Variants in EIF4G3 observed in about 807,000 individuals in gnomAD.
EIF4G3 encodes eIF-4-gamma 3.
A neutral mutation model predicts 186.4 loss-of-function variants in EIF4G3; 34 were observed. The ratio of observed to expected loss-of-function variants is 0.18; its 90% confidence interval spans 0.14 to 0.24. The LOEUF (loss-of-function observed/expected upper bound fraction) is 0.24. Ranked by LOEUF, EIF4G3 falls within the 10% of genes least tolerant of loss-of-function variation. EIF4G3 has a pLI of 1.00. For missense variants in EIF4G3, 1,536 were observed against 1,948.5 expected (o/e 0.79, Z 3.99); for synonymous variants, 673 against 679.5 (o/e 0.99, Z 0.15).
rs774402042 is a variant in EIF4G3, at chr1:20,895,416, T to A, written c.2085A>T (p.Ile695=). 2 of 1,613,962 alleles carry A rather than the reference T, an allele frequency of 1.2e-6. No homozygotes were observed. The highest frequency in any genetic ancestry group is 1.1e-5 in the South Asian group (1 of 91,074). ...LLDFQFMPAC[I]QKPEGLPPIS... Reference sequence around the variant, plus strand: ...TAGGAGGCAGGCCCTCTGGTTTTTGTATACAGGCAGGCATGAACTGGAAGT... The same window carrying A: ...TAGGAGGCAGGCCCTCTGGTTTTTGAATACAGGCAGGCATGAACTGGAAGT... Residue 695 remains isoleucine (I), a synonymous_variant, in exon 17 of 37, where the codon ATA becomes ATT. Coordinates refer to ENST00000602326, the MANE Select transcript of EIF4G3 (RefSeq NM_001391906.1).
chr1:20,880,282 T>C (rs6677045), intron 19 of EIF4G3, among the ~76,000 whole-genome samples: 6 of 152,304 alleles, frequency 3.9e-5, no homozygotes, highest in African/African-American at 1.2e-4. Context: ...ATTGTCTACA[T>C]AGACAATCAT....
At chr1:21,047,232 T>C (rs989195956) in intron 4 of EIF4G3, among the ~76,000 whole-genome samples, 1 of 152,208 alleles carries the variant, frequency 6.6e-6, no homozygotes, top group Non-Finnish European at 1.5e-5. Flanking sequence ...CACAGAGATA[T>C]GACTAAGAAA....
At chr1:21,150,156 G>A (rs2097527268) in intron 2 of EIF4G3, among the ~76,000 whole-genome samples, 2 of 152,182 alleles carry the variant, frequency 1.3e-5, no homozygotes. Flanking sequence ...AACCACAGCA[G>A]CCAAGTCCTA....
intron 3 of EIF4G3, among the ~76,000 whole-genome samples, chr1:21,052,145 C>T (rs138354559): frequency 5.3e-5 from 8 of 152,070 alleles, no homozygotes; most frequent in Admixed American, 2.6e-4. Flanking sequence ...TTTTACGTAA[C>T]CAAAAATTTC....
chr1:21,176,592 CTCCGCCGCCGCCGCCGCCGGCAGCAGCA>C, intron 1 of EIF4G3, 102 bp downstream of exon 1: 1 of 169,428 alleles, frequency 5.9e-6, no homozygotes, highest in Non-Finnish European at 1.2e-5. Context: ...CCGCCGCCGC[CTCCGCCGCCGCCGCCGCCGGCAGCAGCA>C]GCCGCCCCGC....
At chr1:20,844,004 G>C (rs906634557) in intron 29 of EIF4G3, among the ~76,000 whole-genome samples, 1 of 152,176 alleles carries the variant, frequency 6.6e-6, no homozygotes, top group East Asian at 1.9e-4. Flanking sequence ...TTGTATGGCT[G>C]TATAATATTT....
chr1:20,894,844 T>A (rs1424019417), intron 17 of EIF4G3, among the ~76,000 whole-genome samples: 1 of 152,202 alleles, frequency 6.6e-6, no homozygotes, highest in Non-Finnish European at 1.5e-5. Context: ...AAAGATCAGA[T>A]GCAAAGAGGA....
intron 14 of EIF4G3, among the ~76,000 whole-genome samples, chr1:20,908,449 G>T (rs2154557810): frequency 6.6e-6 from 1 of 152,218 alleles, no homozygotes; most frequent in African/African-American, 2.4e-5. Flanking sequence ...CTCTATGTAA[G>T]TTTTAAAACT....
Position 20,941,558 on chromosome 1 carries a change from T to C in EIF4G3, c.1596A>G (p.Glu532=). 6.2e-7 allele frequency: 1 copy of C among 1,613,998 alleles called. No individual in the cohort carries two copies. Among genetic ancestry groups the C allele is most frequent in the Non-Finnish European group, 8.5e-7 (1 of 1,179,956 alleles). ...AKEIQNKIEV[E]ADGQTEEILD... is the part of the protein sequence containing the mutation. Reference sequence around the variant, plus strand: ...AAATCTCTTCTGTTTGCCCATCTGCTTCTACCTCTATTTTGTTCTGAATCT... The same window carrying C: ...AAATCTCTTCTGTTTGCCCATCTGCCTCTACCTCTATTTTGTTCTGAATCT... Residue 532 remains glutamate (E), a synonymous_variant, in exon 14 of 37, where the codon GAA becomes GAG. Transcript: ENST00000602326.
chr1:21,130,158 AG>A (rs2097126640), intron 2 of EIF4G3, among the ~76,000 whole-genome samples: 1 of 146,190 alleles, frequency 6.8e-6, no homozygotes, highest in Non-Finnish European at 1.5e-5. Flanking sequence ...ACAAGGCGGG[AG>A]GATCACATGA....
At chr1:21,103,474 G>A (rs1435710295) in intron 2 of EIF4G3, among the ~76,000 whole-genome samples, 1 of 152,110 alleles carries the variant, frequency 6.6e-6, no homozygotes, top group Non-Finnish European at 1.5e-5. Flanking sequence ...ATTTTATCTG[G>A]AGATGAATGG....
At chr1:20,948,096 C>A (rs2096049412) in intron 13 of EIF4G3, among the ~76,000 whole-genome samples, 1 of 152,176 alleles carries the variant, frequency 6.6e-6, no homozygotes, top group South Asian at 2.1e-4. Flanking sequence ...ATTTTAAGGC[C>A]TCTTTGCATG....
chr1:20,949,543 C>T (rs1182772198), intron 13 of EIF4G3, among the ~76,000 whole-genome samples: 2 of 152,150 alleles, frequency 1.3e-5, no homozygotes, highest in African/African-American at 4.8e-5. Flanking sequence ...ATGATGGAGC[C>T]GGGATTGGAA....
chr1:20,966,647 T>G (rs2074747586), intron 12 of EIF4G3, among the ~76,000 whole-genome samples: 1 of 152,006 alleles, frequency 6.6e-6, no homozygotes, highest in Non-Finnish European at 1.5e-5. Context: ...AGTTTTTTTG[T>G]ACTTTTAGCA....
intron 14 of EIF4G3, among the ~76,000 whole-genome samples, chr1:20,920,752 T>C (rs901876054): frequency 2.0e-5 from 3 of 152,142 alleles, no homozygotes; most frequent in East Asian, 1.9e-4. Context: ...GGGTTTTTTT[T>C]CCCCATTAAC....
chr1:20,809,488 A>G lies in EIF4G3; in HGVS notation c.4744+1250T>C, dbSNP rs1029444089. On this transcript the variant is annotated intron_variant, in intron 36 of 36. Coordinates refer to ENST00000602326, the MANE Select transcript of EIF4G3 (RefSeq NM_001391906.1). ...TTTAACAAATACCAACTGAATTTTC[A>G]AGATGTAATAAAAATCATTAGTTAA... Among the ~76,000 whole-genome samples, 5 of 152,248 alleles carry G rather than the reference A, an allele frequency of 3.3e-5. No individual in the cohort carries two copies. In the South Asian group the frequency reaches 1.0e-3, roughly 31 times the overall value.
chr1:21,076,226 G>C (rs2095584627), intron 3 of EIF4G3, among the ~76,000 whole-genome samples: 1 of 152,074 alleles, frequency 6.6e-6, no homozygotes, highest in Admixed American at 6.6e-5. Flanking sequence ...ATGGAAATTA[G>C]GCAATATCCT....
intron 10 of EIF4G3, among the ~76,000 whole-genome samples, chr1:20,974,851 T>C (rs917453033): frequency 1.3e-5 from 2 of 152,082 alleles, no homozygotes; most frequent in Non-Finnish European, 2.9e-5. Context: ...TGGCTTTCCA[T>C]AGAACATGGA....
intron 29 of EIF4G3, among the ~76,000 whole-genome samples, chr1:20,842,842 T>C (rs1019544159): frequency 1.3e-5 from 2 of 151,346 alleles, no homozygotes; most frequent in African/African-American, 4.9e-5. Context: ...GTGGGTCTTT[T>C]AGTTTTTTTT....
Sources: allele counts gnomAD v4.1 joint callset (sites outside exome capture counted in the v4.1 genomes callset), GRCh38; gene constraint gnomAD v4.1.1; transcripts MANE v1.5; gene names NCBI Gene and HGNC (gene_info 2026-07-23, HGNC 2026-07-21).